The following VPS39 variants were observed in gnomAD, a reference collection of about 807,000 sequenced individuals.
The protein encoded by VPS39 is VPS39 subunit of HOPS complex, also known as vam6/Vps39-like protein.
A neutral mutation model predicts 121.0 loss-of-function variants in VPS39; 70 were observed. That is an observed-to-expected ratio of 0.58 (90% CI 0.48 to 0.71). VPS39 has a LOEUF of 0.71. Among genes scored for constraint, VPS39 ranks in the 30% least tolerant of loss-of-function variants. The pLI, the probability that VPS39 is intolerant of heterozygous loss-of-function variation, is 0.00. For missense variants in VPS39, 818 were observed against 1,051.5 expected (o/e 0.78, Z 3.07); for synonymous variants, 378 against 398.1 (o/e 0.95, Z 0.60).
At position 42,163,362 on chromosome 15, in the gene VPS39, A is replaced by G. The variant is rs1299831166; in HGVS notation, c.2163T>C (p.Asp721=). The G allele has an allele frequency of 2.5e-6, 4 of 1,614,052 alleles. No individual in the cohort carries two copies. In the African/African-American group the frequency reaches 5.3e-5, roughly 22 times the overall value. ...YCHKHYDRNK[D]GNKDVYLSLL... is the part of the protein sequence containing the mutation. ...GGTCACTACTCACATCTTTGTTGCC[A>G]TCTTTGTTTCGGTCATAGTGTTTGT... The change falls in exon 21 of 25, where the codon GAT becomes GAC. Residue 721 remains aspartate (D), a synonymous_variant. Transcript: ENST00000318006.
At chr15:42,169,448 A>G (rs146583533) in intron 12 of VPS39, among the ~76,000 whole-genome samples, 171 of 152,342 alleles carry the variant, frequency 1.1e-3, no homozygotes, top group African/African-American at 4.0e-3. Flanking sequence ...TGCTTCTATC[A>G]ACTAAAATTT....
At chr15:42,170,833 G>C (rs937675278) in intron 11 of VPS39, among the ~76,000 whole-genome samples, 10 of 132,520 alleles carry the variant, frequency 7.5e-5, no homozygotes, top group South Asian at 2.6e-4. Context: ...CCTGGCTCAA[G>C]TGATCCTCCT....
Position 42,160,926 on chromosome 15 carries a change from G to A in VPS39, c.2553-97C>T, listed in dbSNP as rs1011182369. 8.4e-6 allele frequency: 11 copies of A among 1,305,934 alleles called. No individual in the cohort carries two copies. The South Asian group carries it at 8.4e-5, about 10-fold the overall frequency. 80.9% of individuals were successfully genotyped at this position (1,305,934 alleles called of 1,614,324 possible). A position where few individuals can be genotyped will look rare whatever the true frequency, so the allele number is the denominator to read the frequency against. The stretch of plus-strand genomic sequence containing the variant: ...TACAGAAGAGGCACATTGCTGGGGG[G>A]CCATTCCAAAAGCAGCCCACCCAAA... On this transcript the variant is annotated intron_variant, in intron 24 of 24. Transcript: ENST00000318006.
rs1257926164 is a variant in VPS39, at chr15:42,208,155, G to A, written c.-2C>T. 1.3e-6 allele frequency: 2 copies of A among 1,568,540 alleles called. No homozygotes were observed. The highest frequency in any genetic ancestry group is 3.7e-5 in the Admixed American group (2 of 53,582). ...CACTGGCTCGAAAGCGTCGTGCATG[G>A]CGGCAAGGGGAGAGTTGCCACCGCC... On this transcript the variant is annotated 5_prime_UTR_variant, in exon 1 of 25. Transcript: ENST00000318006.
rs1312798885 is a variant in VPS39, at chr15:42,165,079, G to A, written c.1814C>T (p.Ser605Phe). The change falls in exon 18 of 25, where the codon TCT becomes TTT. Residue 605 changes from serine (S) to phenylalanine (F), a missense_variant. Physicochemically the swap from Ser to Phe is radical, Grantham distance 155. Transcript: ENST00000318006. ...CTGGATCAGGCAGTTGTGGAACCGAGAGCCTGTCTCCTCCCAAACATGGAT... is the reference window on the plus strand; with the variant it reads ...CTGGATCAGGCAGTTGTGGAACCGAAAGCCTGTCTCCTCCCAAACATGGAT... ...HIIHVWEETG[S>F]RFHNCLIQLY... 1 of 1,614,226 alleles carries A rather than the reference G, an allele frequency of 6.2e-7. No homozygotes were observed. The highest frequency in any genetic ancestry group is 8.5e-7 in the Non-Finnish European group (1 of 1,180,044).
chr15:42,187,670 A>G lies in VPS39; in HGVS notation c.441+88T>C, dbSNP rs2049731287. On this transcript the variant is annotated intron_variant, in intron 6 of 24. Coordinates refer to ENST00000318006, the MANE Select transcript of VPS39 (RefSeq NM_015289.5). ...ATACCAGAGTATTCATTTGCGTAGA[A>G]TGACAAGACTGGAGTCCTGAACTTC... 13 of 1,175,660 alleles carry G rather than the reference A, an allele frequency of 1.1e-5. No homozygotes were observed. In the South Asian group the frequency reaches 1.5e-4, roughly 13 times the overall value. The allele number at this position is 1,175,660 out of a possible 1,614,324, so 72.8% of individuals were successfully genotyped here. A position where few individuals can be genotyped will look rare whatever the true frequency, so the allele number is the denominator to read the frequency against.
chr15:42,179,862 G>A (rs1022692770), intron 8 of VPS39, among the ~76,000 whole-genome samples: 5 of 152,092 alleles, frequency 3.3e-5, no homozygotes, highest in African/African-American at 1.2e-4. Context: ...AGTGTTGGGA[G>A]GTGGGGCCTA....
At chr15:42,186,563 C>T (rs889044312) in intron 7 of VPS39, among the ~76,000 whole-genome samples, 8 of 152,164 alleles carry the variant, frequency 5.3e-5, no homozygotes, top group African/African-American at 1.2e-4. Flanking sequence ...TTCAATGAAA[C>T]GAACAGTGTG....
intron 2 of VPS39, among the ~76,000 whole-genome samples, chr15:42,191,791 G>A (rs995723017): frequency 2.0e-5 from 3 of 152,164 alleles, no homozygotes; most frequent in Non-Finnish European, 4.4e-5. Flanking sequence ...TCAGCAGAAA[G>A]GATCACACAA....
intron 4 of VPS39, 147 bp downstream of exon 4, chr15:42,190,978 C>G: frequency 1.2e-6 from 1 of 808,716 alleles, no homozygotes; most frequent in Non-Finnish European, 2.0e-6. Context: ...ATGCTGCTGC[C>G]TTTATTAACC....
chr15:42,163,710 G>A lies in VPS39; in HGVS notation c.2045C>T (p.Ala682Val). The A allele has an allele frequency of 6.2e-7, 1 of 1,613,114 alleles. No individual in the cohort carries two copies. The change falls in exon 20 of 25, where the codon GCT (alanine) becomes GTT (valine). Residue 682 changes from alanine (A) to valine (V), a missense_variant. By Grantham distance (64) the Ala-to-Val change is moderately conservative. Transcript: ENST00000318006. ...FPFDGLLEERALLLGRMGKHE... is the reference protein window; with the variant it reads ...FPFDGLLEERVLLLGRMGKHE... ...TTTCCCCATGCGCCCCAACAGGAGA[G>A]CTCGTTCTTCTAAGAGGCCTAGGAG...
At chr15:42,185,335 C>A (rs924667891) in intron 7 of VPS39, among the ~76,000 whole-genome samples, 1 of 151,958 alleles carries the variant, frequency 6.6e-6, no homozygotes, top group African/African-American at 2.4e-5. Flanking sequence ...TGTGCCACCA[C>A]GCCAGGCTAA....
In VPS39 at chr15:42,167,613, A is replaced by G; in HGVS notation, c.1234-76T>C. ...CATCTGAGCTACTGGGTAATTCTGA[A>G]TACCTCCAATCAGCTCATGCCTATT... On this transcript the variant is annotated intron_variant, in intron 12 of 24. Transcript: ENST00000318006. 4 of 1,562,310 alleles carry G rather than the reference A, an allele frequency of 2.6e-6. No individual in the cohort carries two copies. The South Asian group carries it at 3.6e-5, about 14-fold the overall frequency.
rs1470544727 is a variant in VPS39, at chr15:42,158,837, G to A, written c.*1917C>T. 1 of 152,254 alleles carries A rather than the reference G, an allele frequency of 6.6e-6. No homozygotes were observed. The highest frequency in any genetic ancestry group is 6.5e-5 in the Admixed American group (1 of 15,284). The allele number at this position is 152,254 out of a possible 1,614,324, so 9.4% of individuals were successfully genotyped here. On this transcript the variant is annotated 3_prime_UTR_variant, in exon 25 of 25. Coordinates refer to ENST00000318006, the MANE Select transcript of VPS39 (RefSeq NM_015289.5). ...GCAGAGAGTTGAGGGAAGGAAGAAT[G>A]GAGCTTGGGAGCATGGGATCATGTA...
chr15:42,177,467 A>G lies in VPS39; in HGVS notation c.960+751T>C, dbSNP rs550558686. ...CTGGCTGAATACAACAACTTGAAGT[A>G]GTTTCAGAATATCAAAAGAAAGCCT... is the stretch of plus-strand genomic sequence containing the variant. On this transcript the variant is annotated intron_variant, in intron 10 of 24. Transcript: ENST00000318006. Among the ~76,000 whole-genome samples, 79 of 152,312 alleles carry G rather than the reference A, an allele frequency of 5.2e-4. 1 individual carries two copies. In the South Asian group the frequency reaches 0.016, roughly 32 times the overall value.
chr15:42,166,378 C>A, intron 15 of VPS39, 146 bp from the exon 16 acceptor site: 1 of 1,113,120 alleles, frequency 9.0e-7, no homozygotes, highest in Non-Finnish European at 1.3e-6. Flanking sequence ...CCCTACTGGG[C>A]TGGCTCCATA....
chr15:42,187,901 C>G (rs1376407304), intron 5 of VPS39, 45 bp from the exon 6 acceptor site: 2 of 1,548,844 alleles, frequency 1.3e-6, no homozygotes, highest in Non-Finnish European at 1.8e-6. Flanking sequence ...ATGACTCTCT[C>G]TAACTGAGTG....
chr15:42,187,782 C>T lies in VPS39; in HGVS notation c.417G>A (p.Lys139=). The part of the protein sequence containing the change: ...VKKKLQLYFW[K]DREFHELQGD... ...CCTGCAATTCATGAAATTCCCTGTC[C>T]TTCCAGAAATAGAGCTGCAGCTTCT... The change falls in exon 6 of 25, where the codon AAG becomes AAA. Residue 139 remains lysine (K), a synonymous_variant. Coordinates refer to ENST00000318006, the MANE Select transcript of VPS39 (RefSeq NM_015289.5). 1 of 1,614,174 alleles carries T rather than the reference C, an allele frequency of 6.2e-7. No individual in the cohort carries two copies. Among genetic ancestry groups the T allele is most frequent in the Non-Finnish European group, 8.5e-7 (1 of 1,180,030 alleles).
At position 42,187,865 on chromosome 15, in the gene VPS39, AG is replaced by A. The variant is rs778360942; in HGVS notation, c.343-10del. 1.2e-6 allele frequency: 2 copies of A among 1,611,848 alleles called. No individual in the cohort carries two copies. The highest frequency in any genetic ancestry group is 1.7e-6 in the Non-Finnish European group (2 of 1,177,894). On this transcript the variant is annotated splice_polypyrimidine_tract_variant and intron_variant, in intron 5 of 24. Coordinates refer to ENST00000318006, the MANE Select transcript of VPS39 (RefSeq NM_015289.5). Reference sequence around the variant, plus strand: ...TCACCGGTCTCTGTGTGCTGGGAGGAGACATGCAGAGCAAATGAAAATACAA... The same window carrying A: ...TCACCGGTCTCTGTGTGCTGGGAGGAACATGCAGAGCAAATGAAAATACAA...
Sources: gnomAD v4.1 joint callset for allele counts (sites outside exome capture counted in the v4.1 genomes callset) on GRCh38, gnomAD v4.1.1 for gene constraint, MANE v1.5 for transcripts, NCBI Gene and HGNC (gene_info 2026-07-23, HGNC 2026-07-21) for gene names.